The following ARHGEF28 variants were observed in gnomAD, a reference collection of about 807,000 sequenced individuals.
ARHGEF28 encodes the protein 190 kDa guanine nucleotide exchange factor.
In ARHGEF28, 152 loss-of-function variants were observed where a neutral mutation model predicts 206.6. That is an observed-to-expected ratio of 0.74 (90% CI 0.64 to 0.84). The LOEUF is 0.84. ARHGEF28 is among the 40% of genes least tolerant of loss of function. ARHGEF28 has a pLI of 0.00. For synonymous variants in ARHGEF28, 763 were observed against 776.4 expected, an observed-to-expected ratio of 0.98 and a Z score of 0.29; for missense variants, 2,028 against 2,073.2, an observed-to-expected ratio of 0.98 and a Z score of 0.42.
chr5:73,867,824 A>C lies in ARHGEF28; in HGVS notation c.2153-52A>C, dbSNP rs112737063. The stretch of plus-strand genomic sequence containing the variant: ...TTCTGGCTTTTAAGTGACTACTTTT[A>C]CTTGTAATTACTGACCTGGAAACCA... On this transcript the variant is annotated intron_variant, in intron 18 of 35. Transcript: ENST00000513042. 3.8e-5 allele frequency: 62 copies of C among 1,610,548 alleles called. No individual in the cohort carries two copies. In the African/African-American group the frequency reaches 5.2e-4, roughly 14 times the overall value.
At chr5:73,739,205 T>G (rs908787482) in intron 2 of ARHGEF28, among the ~76,000 whole-genome samples, 25 of 152,332 alleles carry the variant, frequency 1.6e-4, no homozygotes, top group African/African-American at 6.0e-4. Flanking sequence ...TATAAATGTG[T>G]TCTTTAAGTT....
intron 35 of ARHGEF28, among the ~76,000 whole-genome samples, chr5:73,927,152 G>A (rs1258638498): frequency 1.3e-5 from 2 of 151,734 alleles, no homozygotes; most frequent in Non-Finnish European, 2.9e-5. Context: ...CTTGAGCCCA[G>A]GAGTTCAAGA....
At chr5:73,753,279 T>A (rs1322636642) in intron 4 of ARHGEF28, 77 bp downstream of exon 4, 3 of 1,412,826 alleles carry the variant, frequency 2.1e-6, no homozygotes, top group East Asian at 5.1e-5. Flanking sequence ...TACTGTGTGT[T>A]CCCCTCGGCA....
chr5:73,767,246 T>C (rs1752945731), intron 4 of ARHGEF28, among the ~76,000 whole-genome samples: 1 of 151,834 alleles, frequency 6.6e-6, no homozygotes, highest in Non-Finnish European at 1.5e-5. Context: ...ATAGAGTAAA[T>C]TGGTACCACT....
At chr5:73,816,941 C>T (rs1756249520) in intron 9 of ARHGEF28, among the ~76,000 whole-genome samples, 1 of 139,796 alleles carries the variant, frequency 7.2e-6, no homozygotes, top group Non-Finnish European at 1.6e-5. Flanking sequence ...CCAGGAATGC[C>T]TGATTTTCTG....
At chr5:73,765,166 C>T (rs1379971570) in intron 4 of ARHGEF28, among the ~76,000 whole-genome samples, 5 of 152,156 alleles carry the variant, frequency 3.3e-5, no homozygotes, top group African/African-American at 1.2e-4. Context: ...GAACTACAAA[C>T]AATGAAGTAA....
chr5:73,848,992 G>C lies in ARHGEF28; in HGVS notation c.1652G>C (p.Gly551Ala), dbSNP rs1366548129. 6.4e-7 allele frequency: 1 copy of C among 1,567,816 alleles called. No individual in the cohort carries two copies. Among genetic ancestry groups the C allele is most frequent in the Admixed American group, 1.9e-5 (1 of 53,924 alleles). The change falls in exon 13 of 36, where the codon GGA becomes GCA. Residue 551 changes from glycine to alanine, a missense_variant. By Grantham distance (60) the Gly-to-Ala change is moderately conservative. This residue lies in a region of ARHGEF28 where 1,002 missense variants were observed against 1,015.3 expected (regional missense o/e 0.99). Transcript: ENST00000513042. The stretch of plus-strand genomic sequence containing the variant: ...CTCTTTTAGGAATCACTGCTTTCTG[G>C]AGTTCGCTCACGTTCTTATTCTTGC... ...NLQSKESLLS[G>A]VRSRSYSCSS...
At position 73,901,223 on chromosome 5, in the gene ARHGEF28, A is replaced by G. The variant is rs1762249585; in HGVS notation, c.4013A>G (p.Asp1338Gly). ...TGGREGRGCS[D>G]VDPGIQGVVT... ...GGGAGAGAAGGAAGAGGCTGTTCGG[A>G]TGTGGATCCCGGGATCCAGGGTGTG... The change falls in exon 31 of 36, where the codon GAT (aspartate) becomes GGT (glycine). Residue 1338 changes from aspartate (D) to glycine (G), a missense_variant. Around this residue, in one of 3 missense-constraint regions of ARHGEF28, gnomAD observed 803 missense variants for 768.0 expected, o/e 1.05. Coordinates refer to ENST00000513042, the MANE Select transcript of ARHGEF28 (RefSeq NM_001177693.2). 6.2e-7 allele frequency: 1 copy of G among 1,613,062 alleles called. No homozygotes were observed. The highest frequency in any genetic ancestry group is 8.5e-7 in the Non-Finnish European group (1 of 1,179,526).
intron 7 of ARHGEF28, among the ~76,000 whole-genome samples, chr5:73,789,746 C>T (rs1279319749): frequency 2.0e-5 from 3 of 151,904 alleles, no homozygotes; most frequent in Non-Finnish European, 4.4e-5. Flanking sequence ...ATTGGTTCTC[C>T]TTGCCCAGCA....
chr5:73,827,792 T>G (rs909905589), intron 9 of ARHGEF28, among the ~76,000 whole-genome samples: 1 of 152,216 alleles, frequency 6.6e-6, no homozygotes, highest in Non-Finnish European at 1.5e-5. Flanking sequence ...TAATGTTAAT[T>G]TTTAGCTAAG....
At chr5:73,851,366 G>A (rs1458732472) in intron 13 of ARHGEF28, among the ~76,000 whole-genome samples, 1 of 149,170 alleles carries the variant, frequency 6.7e-6, no homozygotes, top group Non-Finnish European at 1.5e-5. Flanking sequence ...TGTCTTCCTT[G>A]TCACTTCCAA....
Position 73,898,110 on chromosome 5 carries a change from G to A in ARHGEF28, c.3973+17G>A. On this transcript the variant is annotated intron_variant, in intron 30 of 35. Coordinates refer to ENST00000513042, the MANE Select transcript of ARHGEF28 (RefSeq NM_001177693.2). ...CGACTGCCTGTAAGTGAAAATGCAG[G>A]CCTTGGCAATGAGCCTGAGCACAGT... 1.2e-6 allele frequency: 2 copies of A among 1,608,404 alleles called. No individual in the cohort carries two copies. Among genetic ancestry groups the A allele is most frequent in the Non-Finnish European group, 1.7e-6 (2 of 1,177,260 alleles).
intron 22 of ARHGEF28, among the ~76,000 whole-genome samples, chr5:73,878,234 T>C (rs4704100): frequency 0.58 from 82,831 of 142,654 alleles, 24,740 homozygotes; most frequent in African/African-American, 0.69. Flanking sequence ...TTATCCGAGA[T>C]TAGGATTGCA....
intron 10 of ARHGEF28, among the ~76,000 whole-genome samples, chr5:73,837,043 C>T (rs1053716458): frequency 2.0e-5 from 3 of 152,022 alleles, no homozygotes; most frequent in Non-Finnish European, 4.4e-5. Flanking sequence ...ATGTCAGTAC[C>T]ATAATGTTTT....
chr5:73,829,960 T>A (rs1757185132), intron 9 of ARHGEF28, among the ~76,000 whole-genome samples: 1 of 152,172 alleles, frequency 6.6e-6, no homozygotes, highest in Admixed American at 6.5e-5. Context: ...CACAATCTCT[T>A]CTTTGAAATT....
At chr5:73,667,703 G>T (rs1477660085) in intron 1 of ARHGEF28, among the ~76,000 whole-genome samples, 8 of 152,074 alleles carry the variant, frequency 5.3e-5, no homozygotes, top group Non-Finnish European at 1.0e-4. Flanking sequence ...TATGTTGTAT[G>T]TTCCTTTTAA....
intron 35 of ARHGEF28, among the ~76,000 whole-genome samples, chr5:73,918,330 A>G (rs1035597809): frequency 6.6e-6 from 1 of 152,244 alleles, no homozygotes; most frequent in African/African-American, 2.4e-5. Flanking sequence ...TGAACTTTCT[A>G]AAAACAGGTG....
intron 10 of ARHGEF28, among the ~76,000 whole-genome samples, chr5:73,836,000 C>T (rs918111618): frequency 6.6e-6 from 1 of 152,024 alleles, no homozygotes; most frequent in Non-Finnish European, 1.5e-5. Flanking sequence ...CTGTTTTTAT[C>T]CCTATATTTT....
chr5:73,736,939 T>C (rs1328663274), intron 2 of ARHGEF28, among the ~76,000 whole-genome samples: 1 of 152,114 alleles, frequency 6.6e-6, no homozygotes, highest in East Asian at 1.9e-4. Context: ...TTTAAAGCCA[T>C]GGCTGCTTCT....
Sources: allele counts gnomAD v4.1 joint callset (sites outside exome capture counted in the v4.1 genomes callset), GRCh38; gene constraint gnomAD v4.1.1; regional missense constraint gnomAD v4.1.1; transcripts MANE v1.5; gene names NCBI Gene and HGNC (gene_info 2026-07-23, HGNC 2026-07-21).